The following QRFPR variants were observed in gnomAD, a reference collection of about 807,000 sequenced individuals.
QRFPR encodes pyroglutamylated RFamide peptide receptor.
Under a neutral mutation model 31.3 loss-of-function variants are expected in QRFPR, and 37 were observed. That is an observed-to-expected ratio of 1.18 (90% confidence interval 0.91 to 1.56). QRFPR has a LOEUF of 1.56. Among genes scored for constraint, QRFPR ranks in the 40% most tolerant of loss-of-function variants. The probability of loss-of-function intolerance (pLI) is 0.00; values close to 1 mark genes in which losing one functional copy is unlikely to be tolerated. For missense variants in QRFPR, 542 were observed against 532.5 expected (o/e 1.02, Z -0.18); for synonymous variants, 197 against 192.0 (o/e 1.03, Z -0.22).
At position 121,350,889 on chromosome 4, in the gene QRFPR, T is replaced by A. The variant is rs551323656; in HGVS notation, c.341-10279A>T. 1.2e-4 allele frequency among the ~76,000 whole-genome samples: 18 copies of A among 152,350 alleles called. No individual in the cohort carries two copies. The South Asian group carries it at 2.9e-3, about 25-fold the overall frequency. ...AGACATTCTTATGGATATGTTTTTA[T>A]GTATAAAAATACTAATTAGAGTTTA... On this transcript the variant is annotated intron_variant, in intron 1 of 5. Coordinates refer to ENST00000394427, the MANE Select transcript of QRFPR (RefSeq NM_198179.3).
At chr4:121,371,343 T>G (rs566460748) in intron 1 of QRFPR, among the ~76,000 whole-genome samples, 2 of 152,132 alleles carry the variant, frequency 1.3e-5, no homozygotes, top group Non-Finnish European at 2.9e-5. Flanking sequence ...ATGAAACAAA[T>G]AGTATAGCTT....
intron 1 of QRFPR, among the ~76,000 whole-genome samples, chr4:121,377,647 A>G (rs1726382405): frequency 6.6e-6 from 1 of 152,070 alleles, no homozygotes; most frequent in Non-Finnish European, 1.5e-5. Flanking sequence ...TGAACATCAC[A>G]TCCTTCAGGA....
chr4:121,379,299 G>C (rs1297703197), intron 1 of QRFPR, among the ~76,000 whole-genome samples: 1 of 152,198 alleles, frequency 6.6e-6, no homozygotes. Flanking sequence ...GGTAATGGTA[G>C]GATGAAACAC....
rs919227833 is a variant in QRFPR, at chr4:121,370,194, C to T, written c.340+10114G>A. 2.1e-5 allele frequency: 16 copies of T among 773,070 alleles called. No homozygotes were observed. In the Admixed American group the frequency reaches 2.6e-4, roughly 12 times the overall value. 47.9% of individuals were successfully genotyped at this position (773,070 alleles called of 1,614,324 possible). A position where few individuals can be genotyped will look rare whatever the true frequency, so the allele number is the denominator to read the frequency against. On this transcript the variant is annotated intron_variant, in intron 1 of 5. Transcript: ENST00000394427. The stretch of plus-strand genomic sequence containing the variant: ...AATCACTGGCTTCCAAGGGATGCTG[C>T]CCATGTCTGATGGAGGAGGAGTCAT...
At chr4:121,330,556 C>T (rs1160463682) in intron 4 of QRFPR, 33 bp from the exon 5 acceptor site, 2 of 1,534,686 alleles carry the variant, frequency 1.3e-6, no homozygotes, top group South Asian at 2.2e-5. Flanking sequence ...TATTAGTTAA[C>T]TTCTCCTTGG....
chr4:121,332,964 G>A lies in QRFPR; in HGVS notation c.654C>T (p.Ile218=), dbSNP rs33977434. 0.19 allele frequency: 304,730 copies of A among 1,613,436 alleles called. 35,837 individuals carry two copies. The highest frequency in any genetic ancestry group is 0.56 in the East Asian group (25,136 of 44,830). ...GAGGCAGGAGGAAGAGGATGACAAG[G>A]ATGAAGGTGGTGTAGATCTTCTGGT... ...PVHQKIYTTF[I]LVILFLLPLM... is the part of the protein sequence containing the mutation. Residue 218 remains isoleucine (I), a synonymous_variant, in exon 4 of 6, where the codon ATC becomes ATT. Transcript: ENST00000394427.
At chr4:121,335,913 G>A (rs1024348762) in intron 3 of QRFPR, among the ~76,000 whole-genome samples, 6 of 152,026 alleles carry the variant, frequency 3.9e-5, no homozygotes, top group African/African-American at 1.4e-4. Context: ...CATTTTTCCA[G>A]GTAGCAAGGG....
intron 1 of QRFPR, 25 bp downstream of exon 1, chr4:121,380,283 C>T (rs376137340): frequency 2.7e-5 from 41 of 1,496,068 alleles, no homozygotes; most frequent in Non-Finnish European, 3.5e-5. Flanking sequence ...AGAGAAGGAG[C>T]GAAGGAGCGG....
At chr4:121,332,225 G>A (rs72917705) in intron 4 of QRFPR, among the ~76,000 whole-genome samples, 60 of 152,096 alleles carry the variant, frequency 3.9e-4, no homozygotes, top group Admixed American at 1.0e-3. Flanking sequence ...AAATGATATG[G>A]ACTACAAGTA....
chr4:121,369,680 C>T, intron 1 of QRFPR: 2 of 1,581,668 alleles, frequency 1.3e-6, no homozygotes, highest in South Asian at 2.2e-5. Context: ...AAAGAGGCCC[C>T]ACTTATCTGA....
intron 3 of QRFPR, among the ~76,000 whole-genome samples, chr4:121,335,241 G>A (rs562404400): frequency 6.6e-6 from 1 of 152,004 alleles, no homozygotes; most frequent in Admixed American, 6.5e-5. Context: ...AAATGTTTTT[G>A]TTTTATTTAA....
intron 1 of QRFPR, among the ~76,000 whole-genome samples, chr4:121,353,695 G>T (rs1398582464): frequency 2.0e-5 from 3 of 151,936 alleles, no homozygotes; most frequent in African/African-American, 4.8e-5. Context: ...TTCCTTTGCT[G>T]TGCACAAGCT....
At chr4:121,360,119 T>A (rs1456259125) in intron 1 of QRFPR, among the ~76,000 whole-genome samples, 1 of 152,206 alleles carries the variant, frequency 6.6e-6, no homozygotes, top group Non-Finnish European at 1.5e-5. Context: ...TTGCTTTCAG[T>A]AACTGTGTTT....
At position 121,380,446 on chromosome 4, in the gene QRFPR, A is replaced by G. The variant is rs199771029; in HGVS notation, c.202T>C (p.Tyr68His). 212 of 1,614,220 alleles carry G rather than the reference A, an allele frequency of 1.3e-4. 2 individuals are homozygous for G. The East Asian group carries it at 4.5e-3, about 34-fold the overall frequency. ...LALFGNALVF[Y>H]VVTRSKAMRT... ...ATGGCCTTGCTGCGGGTCACCACGT[A>G]GAACACCAGAGCATTGCCAAAGAGC... is the stretch of plus-strand genomic sequence containing the variant. The change falls in exon 1 of 6, where the codon TAC (tyrosine) becomes CAC (histidine). Residue 68 changes from tyrosine (Y) to histidine (H), a missense_variant. Physicochemically the swap from Tyr to His is moderately conservative, Grantham distance 83. Transcript: ENST00000394427.
At chr4:121,367,824 C>T (rs1182102900) in intron 1 of QRFPR, among the ~76,000 whole-genome samples, 2 of 149,150 alleles carry the variant, frequency 1.3e-5, no homozygotes, top group African/African-American at 5.0e-5. Context: ...GACACCAAAG[C>T]AAAGAGAAAT....
intron 1 of QRFPR, chr4:121,370,437 T>C: frequency 1.7e-6 from 1 of 592,764 alleles, no homozygotes; most frequent in Non-Finnish European, 3.2e-6. Flanking sequence ...TGGATGTTAA[T>C]GAGGAACATG....
chr4:121,354,020 A>T lies in QRFPR; in HGVS notation c.341-13410T>A, dbSNP rs906847976. 2.0e-5 allele frequency among the ~76,000 whole-genome samples: 3 copies of T among 152,018 alleles called. No homozygotes were observed. The East Asian group carries it at 5.8e-4, about 29-fold the overall frequency. Reference sequence around the variant, plus strand: ...CTTTGTCAAAAATAAGTGACTGCAAATGCATGAATTTATTCCCGGGTTCTT... The same window carrying T: ...CTTTGTCAAAAATAAGTGACTGCAATTGCATGAATTTATTCCCGGGTTCTT... On this transcript the variant is annotated intron_variant, in intron 1 of 5. Transcript: ENST00000394427.
intron 1 of QRFPR, among the ~76,000 whole-genome samples, chr4:121,344,590 T>C (rs1221489303): frequency 6.6e-6 from 1 of 152,152 alleles, no homozygotes; most frequent in East Asian, 1.9e-4. Flanking sequence ...TAAAAATAGG[T>C]ACATGCTCTT....
rs1725397048 is a variant in QRFPR at position 121,334,551 on chromosome 4, G to T, written c.562-1495C>A. 5 of 248,022 alleles carry T rather than the reference G, an allele frequency of 2.0e-5. No homozygotes were observed. In the South Asian group the frequency reaches 2.2e-4, roughly 11 times the overall value. 15.4% of individuals were successfully genotyped at this position (248,022 alleles called of 1,614,324 possible). A position where few individuals can be genotyped will look rare whatever the true frequency, so the allele number is the denominator to read the frequency against. On this transcript the variant is annotated intron_variant, in intron 3 of 5. Coordinates refer to ENST00000394427, the MANE Select transcript of QRFPR (RefSeq NM_198179.3). ...TGTCAGTGAAGCCACATTGATCAAG[G>T]CATCATAAACACATGGCAGGGCTTT...
Sources: gnomAD v4.1 joint callset for allele counts (sites outside exome capture counted in the v4.1 genomes callset) on GRCh38, gnomAD v4.1.1 for gene constraint, MANE v1.5 for transcripts, NCBI Gene and HGNC (gene_info 2026-07-23, HGNC 2026-07-21) for gene names.